Variants in APBB2 observed in about 807,000 individuals in gnomAD.
APBB2 encodes the protein Fe65-like 1.
Under a neutral mutation model 82.5 loss-of-function variants are expected in APBB2, and 38 were observed. The observed-to-expected ratio is 0.46, with a 90% CI of 0.36 to 0.60. The LOEUF is 0.60. APBB2 is among the 20% of genes least tolerant of loss of function. The pLI, the probability that APBB2 is intolerant of heterozygous loss-of-function variation, is 0.00. For synonymous variants in APBB2, 341 were observed against 368.2 expected, an observed-to-expected ratio of 0.93 and a Z score of 0.85; for missense variants, 772 against 972.3, an observed-to-expected ratio of 0.79 and a Z score of 2.74.
intron 6 of APBB2, among the ~76,000 whole-genome samples, chr4:40,983,008 A>T (rs890490473): frequency 2.0e-5 from 3 of 152,214 alleles, no homozygotes; most frequent in Non-Finnish European, 2.9e-5. Flanking sequence ...GAAGGCAGAC[A>T]TGGGGGACCC....
chr4:41,085,757 A>G (rs7665161), intron 3 of APBB2, among the ~76,000 whole-genome samples: 1,924 of 152,330 alleles, frequency 0.013, 33 homozygotes, highest in African/African-American at 0.044. Context: ...GCATCTACAT[A>G]TGTAAGGCAA....
chr4:40,999,408 A>C (rs555211681), intron 6 of APBB2, among the ~76,000 whole-genome samples: 1 of 152,304 alleles, frequency 6.6e-6, no homozygotes, highest in Non-Finnish European at 1.5e-5. Flanking sequence ...GCACCACTGG[A>C]CTCTAGCCTG....
At chr4:40,997,649 A>G (rs1256506284) in intron 6 of APBB2, among the ~76,000 whole-genome samples, 1 of 152,212 alleles carries the variant, frequency 6.6e-6, no homozygotes, top group Non-Finnish European at 1.5e-5. Context: ...AGCTATTTTC[A>G]TAACACTCAG....
chr4:41,211,593 C>T (rs1779336477), intron 1 of APBB2, among the ~76,000 whole-genome samples: 1 of 152,046 alleles, frequency 6.6e-6, no homozygotes, highest in Non-Finnish European at 1.5e-5. Flanking sequence ...AGTGATTCTC[C>T]TGCCTCAGCT....
intron 6 of APBB2, among the ~76,000 whole-genome samples, chr4:40,969,671 C>G (rs1246952977): frequency 6.6e-6 from 1 of 152,096 alleles, no homozygotes; most frequent in Non-Finnish European, 1.5e-5. Flanking sequence ...TTAAAGAGTC[C>G]TTCCTCCCAG....
chr4:41,026,486 A>T (rs1714284455), intron 5 of APBB2, among the ~76,000 whole-genome samples: 1 of 152,218 alleles, frequency 6.6e-6, no homozygotes. Flanking sequence ...ACCCATTAAC[A>T]GTCACGACCC....
chr4:41,092,871 C>T (rs1373626791), intron 3 of APBB2, among the ~76,000 whole-genome samples: 1 of 152,060 alleles, frequency 6.6e-6, no homozygotes, highest in Non-Finnish European at 1.5e-5. Flanking sequence ...TGCTGTACAA[C>T]AATGTTTTAA....
chr4:40,961,673 A>AAAAAAAAAAAAAAAAAAAAAG (rs1793314802), intron 6 of APBB2, among the ~76,000 whole-genome samples: 1 of 32,056 alleles, frequency 3.1e-5, no homozygotes, highest in Non-Finnish European at 6.7e-5. Flanking sequence ...GATGTAAAAA[A>AAAAAAAAAAAAAAAAAAAAAG]AAAAAAAAAA....
At position 41,212,686 on chromosome 4, in the gene APBB2, C is replaced by T. The variant is rs73809655; in HGVS notation, c.-417+1719G>A. 9.4e-3 allele frequency among the ~76,000 whole-genome samples: 1,426 copies of T among 152,278 alleles called. 15 individuals carry two copies. The highest frequency in any genetic ancestry group is 0.032 in the African/African-American group (1,346 of 41,536). On this transcript the variant is annotated intron_variant, in intron 1 of 17. Transcript: ENST00000508593. ...TCCAGTTTACGAAGACTGTCGGTGA[C>T]TTCGGGGTCATACAGTACATGGACA...
intron 6 of APBB2, among the ~76,000 whole-genome samples, chr4:40,982,394 AGGAAAG>A (rs1278804986): frequency 0.023 from 1,360 of 59,842 alleles, 184 homozygotes; most frequent in Middle Eastern, 0.036. Flanking sequence ...AAGGAAGGAA[AGGAAAG>A]GAAAGAAAGA....
intron 3 of APBB2, among the ~76,000 whole-genome samples, chr4:41,086,121 T>C (rs1161625183): frequency 6.6e-6 from 1 of 152,024 alleles, no homozygotes; most frequent in East Asian, 1.9e-4. Flanking sequence ...AACTGAATCA[T>C]GAAGAAATGA....
chr4:40,849,337 C>T (rs1162153016), intron 12 of APBB2, among the ~76,000 whole-genome samples: 5 of 152,184 alleles, frequency 3.3e-5, no homozygotes, highest in African/African-American at 9.7e-5. Context: ...CTGATCATCT[C>T]CAGCAGAAAC....
At chr4:40,935,879 A>G (rs1297609278) in intron 7 of APBB2, among the ~76,000 whole-genome samples, 1 of 152,198 alleles carries the variant, frequency 6.6e-6, no homozygotes, top group East Asian at 1.9e-4. Flanking sequence ...AGCTCTTGCA[A>G]TAACTGATTT....
At chr4:40,991,310 C>G (rs1228946478) in intron 6 of APBB2, among the ~76,000 whole-genome samples, 1 of 150,692 alleles carries the variant, frequency 6.6e-6, no homozygotes, top group Non-Finnish European at 1.5e-5. Context: ...AGCCACCGTG[C>G]CTTGCTGGGT....
At chr4:40,901,293 G>T (rs1775208226) in intron 10 of APBB2, among the ~76,000 whole-genome samples, 1 of 152,144 alleles carries the variant, frequency 6.6e-6, no homozygotes, top group Non-Finnish European at 1.5e-5. Context: ...AGAAAAGGTG[G>T]CCACTATTTT....
At chr4:41,068,961 A>G in intron 3 of APBB2, among the ~76,000 whole-genome samples, 1 of 151,676 alleles carries the variant, frequency 6.6e-6, no homozygotes, top group Non-Finnish European at 1.5e-5. Flanking sequence ...ATGCCCAGCT[A>G]TTTTTTGTAT....
chr4:41,196,580 C>T, intron 1 of APBB2, among the ~76,000 whole-genome samples: 1 of 144,068 alleles, frequency 6.9e-6, no homozygotes, highest in Non-Finnish European at 1.5e-5. Flanking sequence ...CTGTTCCTGT[C>T]GTTGAGAAAA....
chr4:40,900,938 G>C (rs923033568), intron 10 of APBB2, among the ~76,000 whole-genome samples: 1 of 152,152 alleles, frequency 6.6e-6, no homozygotes, highest in Non-Finnish European at 1.5e-5. Flanking sequence ...CTCTGCCCTA[G>C]GTAGTATTTC....
chr4:40,994,844 A>G (rs1392831568), intron 6 of APBB2, among the ~76,000 whole-genome samples: 2 of 150,874 alleles, frequency 1.3e-5, no homozygotes, highest in African/African-American at 4.9e-5. Flanking sequence ...AGAAGAAAGG[A>G]AAAAGGAAGG....
Sources: gnomAD v4.1 joint callset for allele counts (sites outside exome capture counted in the v4.1 genomes callset) on GRCh38, gnomAD v4.1.1 for gene constraint, MANE v1.5 for transcripts, NCBI Gene and HGNC (gene_info 2026-07-23, HGNC 2026-07-21) for gene names.